NEGR1: variants seen among roughly 807,000 people sequenced by gnomAD.
NEGR1 encodes IgLON family member 4.
Under a neutral mutation model 40.9 loss-of-function variants are expected in NEGR1, and 10 were observed. The observed-to-expected ratio is 0.24, with a 90% CI of 0.15 to 0.42. The LOEUF (loss-of-function observed/expected upper bound fraction) is 0.42. NEGR1 is among the 10% of genes least tolerant of loss of function. NEGR1 has a pLI of 1.00. For missense variants in NEGR1, 352 were observed against 438.9 expected (o/e 0.80, Z 1.77); for synonymous variants, 185 against 166.8 (o/e 1.11, Z -0.84).
intron 1 of NEGR1, among the ~76,000 whole-genome samples, chr1:72,121,155 T>C (rs1158541234): frequency 6.6e-6 from 1 of 152,006 alleles, no homozygotes; most frequent in Non-Finnish European, 1.5e-5. Context: ...GTTACATCTT[T>C]TACAATGACA....
intron 4 of NEGR1, among the ~76,000 whole-genome samples, chr1:71,627,155 C>T (rs1461393640): frequency 1.3e-5 from 2 of 151,998 alleles, no homozygotes; most frequent in Non-Finnish European, 2.9e-5. Flanking sequence ...GGTATATACC[C>T]AAAGGATTAT....
chr1:71,971,900 T>C (rs1040630905), intron 1 of NEGR1, among the ~76,000 whole-genome samples: 4 of 152,242 alleles, frequency 2.6e-5, no homozygotes, highest in African/African-American at 7.2e-5. Context: ...TTTCCTCTCC[T>C]GTAGGAACAG....
chr1:71,476,221 G>T (rs1646819133), intron 6 of NEGR1, among the ~76,000 whole-genome samples: 1 of 151,962 alleles, frequency 6.6e-6, no homozygotes, highest in Non-Finnish European at 1.5e-5. Flanking sequence ...TAAACAGCAG[G>T]AAAGAAAGAA....
At chr1:72,133,380 G>A (rs548457657) in intron 1 of NEGR1, among the ~76,000 whole-genome samples, 2 of 152,134 alleles carry the variant, frequency 1.3e-5, no homozygotes, top group African/African-American at 2.4e-5. Flanking sequence ...TGGGAAATAT[G>A]TGTTTTCTGT....
At chr1:71,809,533 G>C (rs1260458115) in intron 2 of NEGR1, among the ~76,000 whole-genome samples, 2 of 152,094 alleles carry the variant, frequency 1.3e-5, no homozygotes, top group Admixed American at 1.3e-4. Context: ...GCAAAGTAAT[G>C]AGTACAAATG....
intron 6 of NEGR1, chr1:71,468,326 C>T (rs1318564284): frequency 1.3e-5 from 2 of 151,926 alleles, no homozygotes; most frequent in East Asian, 3.9e-4. Flanking sequence ...AAAAGTACCA[C>T]TGCTGAAATC....
chr1:72,108,566 T>C (rs1649226429), intron 1 of NEGR1, among the ~76,000 whole-genome samples: 2 of 151,656 alleles, frequency 1.3e-5, no homozygotes, highest in South Asian at 4.1e-4. Context: ...AAATATATCA[T>C]TGCAATGGCA....
intron 1 of NEGR1, among the ~76,000 whole-genome samples, chr1:72,023,988 T>C (rs1018563666): frequency 6.6e-6 from 1 of 152,144 alleles, no homozygotes; most frequent in Admixed American, 6.5e-5. Flanking sequence ...CATCATTATA[T>C]TAAGAATAAC....
intron 4 of NEGR1, among the ~76,000 whole-genome samples, chr1:71,666,280 C>T (rs1557605182): frequency 6.6e-6 from 1 of 152,098 alleles, no homozygotes; most frequent in Admixed American, 6.6e-5. Context: ...CAAGACCACT[C>T]CTAACAATAG....
At chr1:71,528,715 T>C (rs1180459807) in intron 6 of NEGR1, among the ~76,000 whole-genome samples, 1 of 151,202 alleles carries the variant, frequency 6.6e-6, no homozygotes, top group Non-Finnish European at 1.5e-5. Context: ...TTGTTGAAAA[T>C]GAGGCAAACA....
rs530669969 is a variant in NEGR1 at position 71,764,518 on chromosome 1, A to G, written c.535+11654T>C. On this transcript the variant is annotated intron_variant, in intron 3 of 6. Coordinates refer to ENST00000357731, the MANE Select transcript of NEGR1 (RefSeq NM_173808.3). Reference sequence around the variant, plus strand: ...AAAAGTAAATCCGAGTGATTTTCTTATTCAAGTTCAAAACGGGTCATAAAG... The same window carrying G: ...AAAAGTAAATCCGAGTGATTTTCTTGTTCAAGTTCAAAACGGGTCATAAAG... Among the ~76,000 whole-genome samples, 7 of 152,164 alleles carry G rather than the reference A, an allele frequency of 4.6e-5. No individual in the cohort carries two copies. The South Asian group carries it at 1.2e-3, about 27-fold the overall frequency.
At chr1:71,848,102 CTA>C in intron 2 of NEGR1, among the ~76,000 whole-genome samples, 1 of 152,288 alleles carries the variant, frequency 6.6e-6, no homozygotes, top group Non-Finnish European at 1.5e-5. Context: ...CTCATTAACT[CTA>C]TGAATGCTGA....
chr1:72,193,047 C>A (rs924629957), intron 1 of NEGR1, among the ~76,000 whole-genome samples: 64 of 151,624 alleles, frequency 4.2e-4, no homozygotes, highest in Admixed American at 3.7e-3. Context: ...AATGATGGAA[C>A]CACTCACTAA....
chr1:72,095,513 T>G (rs567385442), intron 1 of NEGR1, among the ~76,000 whole-genome samples: 4 of 152,234 alleles, frequency 2.6e-5, no homozygotes, highest in African/African-American at 9.6e-5. Flanking sequence ...ATGAATCCCC[T>G]GTCCTCTACT....
chr1:72,082,820 A>C (rs1443928822), intron 1 of NEGR1, among the ~76,000 whole-genome samples: 1 of 152,132 alleles, frequency 6.6e-6, no homozygotes, highest in Non-Finnish European at 1.5e-5. Context: ...TGTTTTCTTA[A>C]CCAATTTTTG....
intron 2 of NEGR1, among the ~76,000 whole-genome samples, chr1:71,788,889 A>G (rs1657012077): frequency 6.6e-6 from 1 of 152,120 alleles, no homozygotes. Context: ...ACATGTAATA[A>G]AAGAGTTGTT....
At chr1:71,485,747 T>C (rs1042991073) in intron 6 of NEGR1, among the ~76,000 whole-genome samples, 2 of 151,740 alleles carry the variant, frequency 1.3e-5, no homozygotes, top group Non-Finnish European at 3.0e-5. Flanking sequence ...CCATCCTGTA[T>C]GTCTTTCCAT....
intron 2 of NEGR1, among the ~76,000 whole-genome samples, chr1:71,832,077 C>T (rs544040530): frequency 6.6e-6 from 1 of 151,764 alleles, no homozygotes; most frequent in South Asian, 2.1e-4. Context: ...CAACTGAGCA[C>T]CCCTGCGATA....
chr1:71,465,699 T>G (rs1261632967), intron 6 of NEGR1, among the ~76,000 whole-genome samples: 1 of 152,020 alleles, frequency 6.6e-6, no homozygotes, highest in Non-Finnish European at 1.5e-5. Context: ...GAGAGAAAGC[T>G]GCATCACTTG....
Sources: gnomAD v4.1 joint callset for allele counts (sites outside exome capture counted in the v4.1 genomes callset) on GRCh38, gnomAD v4.1.1 for gene constraint, MANE v1.5 for transcripts, NCBI Gene and HGNC (gene_info 2026-07-23, HGNC 2026-07-21) for gene names.